The following CLNK variants were observed in gnomAD, a reference collection of about 807,000 sequenced individuals.
CLNK encodes the protein cytokine-dependent hematopoietic cell linker.
CLNK carries 74 observed loss-of-function variants against 68.6 expected under a neutral mutation model. The observed-to-expected ratio is 1.08, with a 90% confidence interval of 0.89 to 1.31. The LOEUF (loss-of-function observed/expected upper bound fraction) is 1.31, where lower values mean the gene tolerates loss of function less well. CLNK is among the 50% of genes most tolerant of loss of function. The pLI, the probability that CLNK is intolerant of heterozygous loss-of-function variation, is 0.00. For synonymous variants in CLNK, 198 were observed against 172.2 expected, an observed-to-expected ratio of 1.15 and a Z score of -1.17; for missense variants, 553 against 515.3, an observed-to-expected ratio of 1.07 and a Z score of -0.71.
chr4:10,493,187 A>G (rs570910911), intron 18 of CLNK, among the ~76,000 whole-genome samples: 1 of 152,286 alleles, frequency 6.6e-6, no homozygotes, highest in South Asian at 2.1e-4. Context: ...GCATGGTGGC[A>G]TGTGCCTGTA....
At chr4:10,528,717 T>C (rs1050685215) in intron 12 of CLNK, among the ~76,000 whole-genome samples, 2 of 152,256 alleles carry the variant, frequency 1.3e-5, no homozygotes, top group African/African-American at 4.8e-5. Flanking sequence ...TATATCCATG[T>C]ATATTTGTGT....
intron 17 of CLNK, among the ~76,000 whole-genome samples, chr4:10,504,417 C>G (rs189694935): frequency 0.013 from 2,030 of 152,104 alleles, 23 homozygotes; most frequent in South Asian, 0.027. Context: ...ACTGCGTGCC[C>G]CGCCATAAAC....
chr4:10,525,747 C>G lies in CLNK; in HGVS notation c.731+94G>C, dbSNP rs191587323. 5.7e-6 allele frequency: 4 copies of G among 698,346 alleles called. No individual in the cohort carries two copies. In the East Asian group the frequency reaches 1.1e-4, roughly 19 times the overall value. 43.3% of individuals were successfully genotyped at this position (698,346 alleles called of 1,614,324 possible). ...ATTGGGCTTCAGAAACAAAGACTTT[C>G]GTTTCTCAGAAAGTCTTTGTGATCA... On this transcript the variant is annotated intron_variant, in intron 14 of 18. Coordinates refer to ENST00000226951, the MANE Select transcript of CLNK (RefSeq NM_052964.4).
At position 10,637,390 on chromosome 4, in the gene CLNK, T is replaced by C. The variant is rs553402120; in HGVS notation, c.11+30469A>G. On this transcript the variant is annotated intron_variant, in intron 2 of 18. Transcript: ENST00000226951. ...GAATTGCTGTACTCACAAAAAGCTTTGTGAGAACAAAAAATAGACCTTTAT... is the reference window on the plus strand; with the variant it reads ...GAATTGCTGTACTCACAAAAAGCTTCGTGAGAACAAAAAATAGACCTTTAT... Among the ~76,000 whole-genome samples, 3 of 151,214 alleles carry C rather than the reference T, an allele frequency of 2.0e-5. No individual in the cohort carries two copies. The East Asian group carries it at 5.8e-4, about 29-fold the overall frequency.
intron 4 of CLNK, among the ~76,000 whole-genome samples, chr4:10,579,455 T>C (rs1720698214): frequency 6.6e-6 from 1 of 152,186 alleles, no homozygotes; most frequent in Non-Finnish European, 1.5e-5. Context: ...ACATGCCATA[T>C]AACCATATTT....
At chr4:10,541,143 G>A (rs1718997700) in intron 10 of CLNK, among the ~76,000 whole-genome samples, 1 of 151,074 alleles carries the variant, frequency 6.6e-6, no homozygotes, top group Non-Finnish European at 1.5e-5. Context: ...GAGCCCAGGA[G>A]GCAAATGTTG....
the CLNK span, among the ~76,000 whole-genome samples, chr4:10,730,272 C>A: frequency 6.6e-6 from 1 of 152,116 alleles, no homozygotes; most frequent in African/African-American, 2.4e-5. Flanking sequence ...CTGCAGTTTT[C>A]CCCCATTTCA....
the CLNK span, among the ~76,000 whole-genome samples, chr4:10,691,257 T>G: frequency 6.6e-6 from 1 of 152,178 alleles, no homozygotes; most frequent in Non-Finnish European, 1.5e-5. Context: ...TATGTATTAA[T>G]AAATTACAAA....
rs546858218 is a variant in CLNK, at chr4:10,558,396, C to T, written c.445+11G>A. On this transcript the variant is annotated intron_variant, in intron 8 of 18. Coordinates refer to ENST00000226951, the MANE Select transcript of CLNK (RefSeq NM_052964.4). ...TACTTACATTTTAAACTTCGATTAA[C>T]ATGACTTTACCTTTAATGTTTTGGC... is the stretch of plus-strand genomic sequence containing the variant. 65 of 1,612,914 alleles carry T rather than the reference C, an allele frequency of 4.0e-5. No homozygotes were observed. The East Asian group carries it at 1.4e-3, about 35-fold the overall frequency.
At chr4:10,611,226 G>A (rs1234900645) in intron 2 of CLNK, among the ~76,000 whole-genome samples, 1 of 152,246 alleles carries the variant, frequency 6.6e-6, no homozygotes, top group Admixed American at 6.5e-5. Context: ...GCTGAGGCAG[G>A]AGAATCGCTT....
chr4:10,689,762 T>TTTTTTTTTTAA (rs55754483), upstream of CLNK, among the ~76,000 whole-genome samples: 1 of 149,442 alleles, frequency 6.7e-6, no homozygotes, highest in Non-Finnish European at 1.5e-5. Flanking sequence ...TTTTTTTTTT[T>TTTTTTTTTTAA]ACAAATTGTG....
At chr4:10,696,144 C>T in the CLNK span, among the ~76,000 whole-genome samples, 1 of 152,206 alleles carries the variant, frequency 6.6e-6, no homozygotes, top group African/African-American at 2.4e-5. Context: ...GCTTGAGCCA[C>T]TGCACCCAGC....
At chr4:10,651,722 A>G (rs1185657410) in intron 2 of CLNK, among the ~76,000 whole-genome samples, 1 of 152,210 alleles carries the variant, frequency 6.6e-6, no homozygotes. Flanking sequence ...TTAATTAATA[A>G]CAGAATTAAA....
intron 1 of CLNK, among the ~76,000 whole-genome samples, chr4:10,679,938 C>T (rs1275840990): frequency 6.6e-6 from 1 of 152,164 alleles, no homozygotes; most frequent in Non-Finnish European, 1.5e-5. Flanking sequence ...ACTAGTTCAA[C>T]TATTGTGGAA....
chr4:10,537,690 C>CTTT (rs1718840221), intron 11 of CLNK, among the ~76,000 whole-genome samples: 2 of 9,368 alleles, frequency 2.1e-4, no homozygotes, highest in East Asian at 2.7e-3. Flanking sequence ...TTCCTTCCTT[C>CTTT]CTTCCTTCCT....
chr4:10,557,076 A>AAAATAAATAAATAAAT (rs145622246), intron 8 of CLNK, among the ~76,000 whole-genome samples: 183 of 140,064 alleles, frequency 1.3e-3, no homozygotes, highest in African/African-American at 2.3e-3. Flanking sequence ...ACTCTGTCTC[A>AAAATAAATAAATAAAT]AAATAAATAA....
chr4:10,490,432 G>A lies in CLNK; in HGVS notation c.*35C>T. ...AATCAATGAAAACAATGGAAGCGCTGAATCCAGTAAACCAAAGATAACACA... is the reference window on the plus strand; with the variant it reads ...AATCAATGAAAACAATGGAAGCGCTAAATCCAGTAAACCAAAGATAACACA... On this transcript the variant is annotated 3_prime_UTR_variant, in exon 19 of 19. Coordinates refer to ENST00000226951, the MANE Select transcript of CLNK (RefSeq NM_052964.4). The A allele has an allele frequency of 6.2e-7, 1 of 1,602,000 alleles. No individual in the cohort carries two copies. Among genetic ancestry groups the A allele is most frequent in the Non-Finnish European group, 8.5e-7 (1 of 1,175,574 alleles).
At chr4:10,544,534 G>A (rs912512019) in intron 8 of CLNK, among the ~76,000 whole-genome samples, 2 of 152,198 alleles carry the variant, frequency 1.3e-5, no homozygotes, top group African/African-American at 4.8e-5. Context: ...ACAGCACGGT[G>A]CGGAGAGTAG....
chr4:10,692,560 A>G, the CLNK span, among the ~76,000 whole-genome samples: 1 of 152,324 alleles, frequency 6.6e-6, no homozygotes, highest in East Asian at 1.9e-4. Context: ...ATGACAGACT[A>G]AGATCCTAAG....
Sources: gnomAD v4.1 joint callset for allele counts (sites outside exome capture counted in the v4.1 genomes callset) on GRCh38, gnomAD v4.1.1 for gene constraint, MANE v1.5 for transcripts, NCBI Gene and HGNC (gene_info 2026-07-23, HGNC 2026-07-21) for gene names.